The following CCNB2 variants were observed in gnomAD, a reference collection of about 807,000 sequenced individuals.
CCNB2 encodes the protein cyclin B2.
CCNB2 carries 39 observed loss-of-function variants against 51.1 expected under a neutral mutation model. The observed-to-expected ratio is 0.76, with a 90% CI of 0.59 to 1.00. The LOEUF is 1.00. Ranked by LOEUF, CCNB2 falls within the 50% of genes least tolerant of loss-of-function variation. CCNB2 has a pLI of 0.00. For missense variants in CCNB2, 472 were observed against 470.3 expected (o/e 1.00, Z -0.03); for synonymous variants, 174 against 165.5 (o/e 1.05, Z -0.40).
rs138401967 is a variant in CCNB2 at position 59,121,961 on chromosome 15, AGG to A, written c.976-1555_976-1554del. On this transcript the variant is annotated intron_variant, in intron 7 of 8. Coordinates refer to ENST00000288207, the MANE Select transcript of CCNB2 (RefSeq NM_004701.4). ...AAAAAAAAAAAAAAAAAAAAAAAAA[AGG>A]AGAAATTACCCAGGCATGGTGGCAT... Among the ~76,000 whole-genome samples, 435 of 134,990 alleles carry A rather than the reference AGG, an allele frequency of 3.2e-3. 2 individuals carry two copies. The highest frequency in any genetic ancestry group is 6.1e-3 in the African/African-American group (214 of 34,854). 88.6% of individuals were successfully genotyped at this position (134,990 alleles called of 152,430 possible).
chr15:59,117,610 A>C (rs1414376160), intron 7 of CCNB2, among the ~76,000 whole-genome samples: 1 of 152,168 alleles, frequency 6.6e-6, no homozygotes, highest in African/African-American at 2.4e-5. Context: ...CAGGGACTAC[A>C]GGCATGCATG....
intron 6 of CCNB2, 133 bp from the exon 7 acceptor site, chr15:59,117,095 T>C (rs1409232555): frequency 2.0e-6 from 2 of 1,019,322 alleles, no homozygotes; most frequent in African/African-American, 3.2e-5. Context: ...GTTTACAACA[T>C]AGTGTGGAAT....
chr15:59,123,973 A>T (rs28383556), intron 8 of CCNB2: 16 of 205,518 alleles, frequency 7.8e-5, no homozygotes, highest in Non-Finnish European at 1.5e-4. Flanking sequence ...TCTGCATGTG[A>T]TTGGGAAGAG....
At chr15:59,116,301 C>G (rs2140288768) in intron 5 of CCNB2, among the ~76,000 whole-genome samples, 1 of 152,260 alleles carries the variant, frequency 6.6e-6, no homozygotes, top group East Asian at 1.9e-4. Flanking sequence ...CACAGATACT[C>G]AAGTCAGCAT....
chr15:59,114,098 A>G (rs1379249935), intron 3 of CCNB2, among the ~76,000 whole-genome samples: 1 of 152,206 alleles, frequency 6.6e-6, no homozygotes, highest in East Asian at 1.9e-4. Flanking sequence ...ACATAGGGGC[A>G]AGAGCATTCT....
rs547438223 is a variant in CCNB2 at position 59,105,347 on chromosome 15, C to G, written c.24+55C>G. The stretch of plus-strand genomic sequence containing the variant: ...GCGAGTCCGTCGGCCCCACAGCTCC[C>G]CTGTCGCTTCTCTCATCTGCTCCGA... On this transcript the variant is annotated intron_variant, in intron 1 of 8. Coordinates refer to ENST00000288207, the MANE Select transcript of CCNB2 (RefSeq NM_004701.4). The G allele has an allele frequency of 4.6e-6, 7 of 1,527,644 alleles. No homozygotes were observed. In the East Asian group the frequency reaches 9.8e-5, roughly 21 times the overall value. 94.6% of individuals were successfully genotyped at this position (1,527,644 alleles called of 1,614,324 possible).
intron 3 of CCNB2, among the ~76,000 whole-genome samples, chr15:59,111,186 C>T (rs1272859840): frequency 2.6e-5 from 4 of 152,136 alleles, no homozygotes; most frequent in African/African-American, 9.7e-5. Context: ...TTGTCTTATC[C>T]TAGTGGCTTT....
intron 8 of CCNB2, 61 bp from the exon 9 acceptor site, chr15:59,124,706 C>A: frequency 8.9e-7 from 1 of 1,119,574 alleles, no homozygotes. Flanking sequence ...GTGAGTTAGA[C>A]TAGGAATAAG....
chr15:59,122,344 G>T (rs2079306567), intron 7 of CCNB2, among the ~76,000 whole-genome samples: 2 of 140,998 alleles, frequency 1.4e-5, no homozygotes, highest in South Asian at 4.5e-4. Context: ...TGCCTCCCGG[G>T]TTCCAGCGAT....
chr15:59,107,529 C>T (rs369361404), intron 2 of CCNB2, 28 bp from the exon 3 acceptor site: 66 of 1,613,162 alleles, frequency 4.1e-5, no homozygotes, highest in African/African-American at 6.7e-5. Context: ...GGCTGTCTTG[C>T]GCTATTCATG....
chr15:59,116,076 A>C (rs2079277547), intron 5 of CCNB2: 1 of 151,612 alleles, frequency 6.6e-6, no homozygotes, highest in Non-Finnish European at 1.5e-5. Flanking sequence ...AAAAGTACAG[A>C]GTTTGGGAGG....
At chr15:59,118,567 C>A (rs1440160806) in intron 7 of CCNB2, among the ~76,000 whole-genome samples, 1 of 152,202 alleles carries the variant, frequency 6.6e-6, no homozygotes, top group Non-Finnish European at 1.5e-5. Context: ...GCCTGTAATC[C>A]AGGCTACTCT....
intron 3 of CCNB2, among the ~76,000 whole-genome samples, chr15:59,109,896 G>C (rs1410530250): frequency 6.6e-6 from 1 of 152,174 alleles, no homozygotes; most frequent in African/African-American, 2.4e-5. Context: ...TGAGGCAGGA[G>C]AATGGCGTGA....
chr15:59,116,480 A>G (rs1213064822), intron 5 of CCNB2, among the ~76,000 whole-genome samples: 4 of 128,648 alleles, frequency 3.1e-5, no homozygotes, highest in Non-Finnish European at 5.1e-5. Flanking sequence ...TGGGTGAGAT[A>G]ATATGTTAGA....
At chr15:59,119,293 T>A (rs1181402751) in intron 7 of CCNB2, among the ~76,000 whole-genome samples, 2 of 151,700 alleles carry the variant, frequency 1.3e-5, no homozygotes, top group African/African-American at 4.9e-5. Context: ...GACCCCCATC[T>A]CTATAAAAAA....
At position 59,116,682 on chromosome 15, in the gene CCNB2, TCCATTAGG is replaced by T. The variant is rs764332149; in HGVS notation, c.598-7_598del. On this transcript the variant is annotated splice_acceptor_variant and splice_polypyrimidine_tract_variant and coding_sequence_variant and intron_variant, in exon 6 of 9. Transcript: ENST00000288207. LOFTEE classifies it high-confidence loss of function. ...GGTGTGACTTTTGTTACATTAATTT[TCCATTAGG>T]TTCAGCCAGTTTCCCGGAAGAAGCT... The T allele has an allele frequency of 6.3e-7, 1 of 1,590,906 alleles. No homozygotes were observed. The highest frequency in any genetic ancestry group is 1.7e-5 in the Admixed American group (1 of 59,584).
chr15:59,113,453 G>A (rs749245975), intron 3 of CCNB2, among the ~76,000 whole-genome samples: 11 of 152,042 alleles, frequency 7.2e-5, no homozygotes, highest in African/African-American at 1.9e-4. Context: ...TTAAATAAAC[G>A]TAAGCTTTTA....
At position 59,105,227 on chromosome 15, in the gene CCNB2, C is replaced by A; in HGVS notation, c.-42C>A. ...GTGTCCTCCCTTTTCAGTCCGCGTC[C>A]CTCCCTGGGCCGGGCTGGCACTCTT... is the stretch of plus-strand genomic sequence containing the variant. On this transcript the variant is annotated 5_prime_UTR_variant, in exon 1 of 9. Transcript: ENST00000288207. The A allele has an allele frequency of 6.5e-7, 1 of 1,549,562 alleles. No homozygotes were observed. The highest frequency in any genetic ancestry group is 2.4e-5 in the East Asian group (1 of 41,272).
At chr15:59,117,420 T>G in intron 7 of CCNB2, 52 bp downstream of exon 7, 3 of 1,573,732 alleles carry the variant, frequency 1.9e-6, no homozygotes, top group Non-Finnish European at 2.6e-6. Context: ...TAGTCCTTCG[T>G]AATACAAAAG....
Sources: allele counts gnomAD v4.1 joint callset (sites outside exome capture counted in the v4.1 genomes callset), GRCh38; gene constraint gnomAD v4.1.1; transcripts MANE v1.5; gene names NCBI Gene and HGNC (gene_info 2026-07-23, HGNC 2026-07-21).